The following NDUFS1 variants were observed in gnomAD, a reference collection of about 807,000 sequenced individuals.
NDUFS1 encodes the protein NADH-ubiquinone oxidoreductase 75 kDa subunit, mitochondrial.
NDUFS1 carries 61 observed loss-of-function variants against 84.4 expected under a neutral mutation model. That is an observed-to-expected ratio of 0.72 (90% CI 0.59 to 0.89). The LOEUF (loss-of-function observed/expected upper bound fraction) is 0.89, where lower values mean the gene tolerates loss of function less well. NDUFS1 is among the 40% of genes least tolerant of loss of function. The pLI is 0.00. For missense variants in NDUFS1, 891 were observed against 890.0 expected (o/e 1.00, Z -0.01); for synonymous variants, 275 against 290.0 (o/e 0.95, Z 0.53).
chr2:206,131,876 T>C (rs953057436), intron 14 of NDUFS1, among the ~76,000 whole-genome samples: 13 of 151,484 alleles, frequency 8.6e-5, no homozygotes, highest in African/African-American at 1.5e-4. Context: ...GGGATGGAGG[T>C]TGCAGTGAGC....
At position 206,142,717 on chromosome 2, in the gene NDUFS1, T is replaced by C. The variant is rs751913174; in HGVS notation, c.1102A>G (p.Thr368Ala). 1 of 1,614,174 alleles carries C rather than the reference T, an allele frequency of 6.2e-7. No homozygotes were observed. The highest frequency in any genetic ancestry group is 8.5e-7 in the Non-Finnish European group (1 of 1,180,020). Residue 368 changes from threonine to alanine, a missense_variant, in exon 11 of 19, where the codon ACT becomes GCT. By Grantham distance (58) the Thr-to-Ala change is moderately conservative. Coordinates refer to ENST00000233190, the MANE Select transcript of NDUFS1 (RefSeq NM_005006.7). ...LNRVDSDTLC[T>A]EEVFPTAGAG... ...CCTGCAGTGGGGAAGACCTCTTCAG[T>C]GCATAAGGTGTCAGAGTCCACTCTA...
At position 206,116,390 on chromosome 2, in the gene NDUFS1, G is replaced by A. The variant is rs531806798; in HGVS notation, c.*7795C>T. ...TTCAGGCAGATTACAGTAACCAGAC[G>A]GCGCCCATCCCAAGCTGCCAGGGCC... On this transcript the variant is annotated 3_prime_UTR_variant, in exon 19 of 19. Coordinates refer to ENST00000233190, the MANE Select transcript of NDUFS1 (RefSeq NM_005006.7). 42 of 802,116 alleles carry A rather than the reference G, an allele frequency of 5.2e-5. No homozygotes were observed. The African/African-American group carries it at 5.4e-4, about 10-fold the overall frequency. 49.7% of individuals were successfully genotyped at this position (802,116 alleles called of 1,614,324 possible). A position where few individuals can be genotyped will look rare whatever the true frequency, so the allele number is the denominator to read the frequency against.
At position 206,123,936 on chromosome 2, in the gene NDUFS1, A is replaced by C. The variant is rs1691182175; in HGVS notation, c.*249T>G. The C allele has an allele frequency of 2.4e-6, 1 of 412,990 alleles. No homozygotes were observed. The highest frequency in any genetic ancestry group is 4.3e-6 in the Non-Finnish European group (1 of 232,620). The allele number at this position is 412,990 out of a possible 1,614,324, so 25.6% of individuals were successfully genotyped here. ...ATTTAAGGATCTCTTTATGTTCGTC[A>C]CAAAGGTTATCAATGCTTTTAAGAG... On this transcript the variant is annotated 3_prime_UTR_variant, in exon 19 of 19. Coordinates refer to ENST00000233190, the MANE Select transcript of NDUFS1 (RefSeq NM_005006.7).
intron 2 of NDUFS1, 100 bp from the exon 3 acceptor site, chr2:206,152,610 T>C (rs1189090342): frequency 3.2e-6 from 3 of 926,698 alleles, no homozygotes; most frequent in Non-Finnish European, 5.3e-6. Flanking sequence ...AAATTTTTCA[T>C]TCCTTATTAT....
At chr2:206,141,066 A>G (rs1366107738) in intron 12 of NDUFS1, among the ~76,000 whole-genome samples, 2 of 152,032 alleles carry the variant, frequency 1.3e-5, no homozygotes, top group Non-Finnish European at 2.9e-5. Flanking sequence ...TTCAAAATAA[A>G]AAGCTAATAA....
intron 13 of NDUFS1, among the ~76,000 whole-genome samples, chr2:206,133,458 G>A (rs1207051417): frequency 6.6e-6 from 1 of 152,182 alleles, no homozygotes; most frequent in East Asian, 1.9e-4. Flanking sequence ...TTAAAGAATA[G>A]GAAAAACTAT....
At chr2:206,147,150 C>T in intron 7 of NDUFS1, 62 bp from the exon 8 acceptor site, 4 of 1,499,484 alleles carry the variant, frequency 2.7e-6, no homozygotes, top group African/African-American at 1.4e-5. Flanking sequence ...CTTTCTTATT[C>T]ATGATCACAA....
chr2:206,135,354 A>G (rs1199951337), intron 13 of NDUFS1, among the ~76,000 whole-genome samples: 1 of 152,156 alleles, frequency 6.6e-6, no homozygotes, highest in Non-Finnish European at 1.5e-5. Context: ...GAATTAATGA[A>G]AAATGTATTT....
At position 206,124,061 on chromosome 2, in the gene NDUFS1, C is replaced by A; in HGVS notation, c.*124G>T. On this transcript the variant is annotated 3_prime_UTR_variant, in exon 19 of 19. Transcript: ENST00000233190. ...CATTTTCAAATAGGCATAGTATAAC[C>A]TTAAATATTACATGATTCAAATTAT... is the stretch of plus-strand genomic sequence containing the variant. 1.4e-6 allele frequency: 1 copy of A among 728,848 alleles called. No individual in the cohort carries two copies. Among genetic ancestry groups the A allele is most frequent in the South Asian group, 1.7e-5 (1 of 59,174 alleles). The allele number at this position is 728,848 out of a possible 1,614,324, so 45.1% of individuals were successfully genotyped here.
chr2:206,142,970 GC>G, intron 10 of NDUFS1, 139 bp from the exon 11 acceptor site: 2 of 1,220,662 alleles, frequency 1.6e-6, no homozygotes, highest in Non-Finnish European at 2.3e-6. Context: ...TTTACAACAT[GC>G]CCAGGCACAC....
In NDUFS1 at chr2:206,132,940, C is replaced by T; in HGVS notation, c.1553+5G>A. On this transcript the variant is annotated splice_donor_5th_base_variant and intron_variant, in intron 14 of 18. Transcript: ENST00000233190. The stretch of plus-strand genomic sequence containing the variant: ...TATAGTATATAAAGCAATTACTCAA[C>T]AAACCTATGAAGGATATTCATAACT... 1 of 1,611,974 alleles carries T rather than the reference C, an allele frequency of 6.2e-7. No homozygotes were observed. The highest frequency in any genetic ancestry group is 8.5e-7 in the Non-Finnish European group (1 of 1,178,190).
At chr2:206,142,220 ATTTTT>A in intron 11 of NDUFS1, 151 bp from the exon 12 acceptor site, 1 of 730,542 alleles carries the variant, frequency 1.4e-6, no homozygotes, top group Non-Finnish European at 2.3e-6. Context: ...TCAGATACTT[ATTTTT>A]TTTCTCAGAT....
chr2:206,131,379 T>G, intron 14 of NDUFS1, among the ~76,000 whole-genome samples: 1 of 152,212 alleles, frequency 6.6e-6, no homozygotes, highest in East Asian at 1.9e-4. Flanking sequence ...ATTAACATTT[T>G]TATTTACAAA....
rs1397752647 is a variant in NDUFS1, at chr2:206,119,435, A to T, written c.*4750T>A. The T allele has an allele frequency of 6.6e-6, 1 of 152,156 alleles. No homozygotes were observed. Among genetic ancestry groups the T allele is most frequent in the Non-Finnish European group, 1.5e-5 (1 of 68,032 alleles). 9.4% of individuals were successfully genotyped at this position (152,156 alleles called of 1,614,324 possible). ...TTAATTTTTACTTTTTTTCAGACAGAGTCTCACTCTGTCACCCAGGCTGGA... is the reference window on the plus strand; with the variant it reads ...TTAATTTTTACTTTTTTTCAGACAGTGTCTCACTCTGTCACCCAGGCTGGA... On this transcript the variant is annotated 3_prime_UTR_variant, in exon 19 of 19. Coordinates refer to ENST00000233190, the MANE Select transcript of NDUFS1 (RefSeq NM_005006.7).
chr2:206,129,557 C>T lies in NDUFS1; in HGVS notation c.1708+531G>A, dbSNP rs190048758. Among the ~76,000 whole-genome samples, 5 of 151,920 alleles carry T rather than the reference C, an allele frequency of 3.3e-5. No homozygotes were observed. In the East Asian group the frequency reaches 9.7e-4, roughly 29 times the overall value. On this transcript the variant is annotated intron_variant, in intron 15 of 18. Coordinates refer to ENST00000233190, the MANE Select transcript of NDUFS1 (RefSeq NM_005006.7). ...GGATTACAGCATGAGCCACGGCACC[C>T]AAGGAACAGGATTTAGTTCATATAT...
chr2:206,140,922 GTATATATATATA>G lies in NDUFS1; in HGVS notation c.1262+1007_1262+1018del, dbSNP rs142969226. The stretch of plus-strand genomic sequence containing the variant: ...TCACACACACATATATATGTAGTGT[GTATATATATATA>G]TATATATATACACACACACTGAGAA... On this transcript the variant is annotated intron_variant, in intron 12 of 18. Transcript: ENST00000233190. Among the ~76,000 whole-genome samples, 4 of 128,006 alleles carry G rather than the reference GTATATATATATA, an allele frequency of 3.1e-5. No homozygotes were observed. The East Asian group carries it at 8.3e-4, about 26-fold the overall frequency. The allele number at this position is 128,006 out of a possible 152,430, so 84.0% of individuals were successfully genotyped here.
Position 206,115,670 on chromosome 2 carries a change from A to G in NDUFS1, c.*8515T>C, listed in dbSNP as rs1444794145. 7.8e-6 allele frequency: 3 copies of G among 383,452 alleles called. No individual in the cohort carries two copies. Among genetic ancestry groups the G allele is most frequent in the Non-Finnish European group, 1.5e-5 (3 of 201,750 alleles). 23.8% of individuals were successfully genotyped at this position (383,452 alleles called of 1,614,324 possible). A position where few individuals can be genotyped will look rare whatever the true frequency, so the allele number is the denominator to read the frequency against. On this transcript the variant is annotated 3_prime_UTR_variant, in exon 19 of 19. Transcript: ENST00000233190. ...CAAAATTAAGATAGTGTTGTTCTTC[A>G]TCTGACACTGTACAAGCAACAAAAA...
chr2:206,142,647 A>G, intron 11 of NDUFS1, 39 bp downstream of exon 11: 1 of 1,612,516 alleles, frequency 6.2e-7, no homozygotes, highest in Non-Finnish European at 8.5e-7. Context: ...TAACTAAAAA[A>G]AGAAAGGAAA....
chr2:206,150,639 T>C (rs1224008700), intron 3 of NDUFS1, among the ~76,000 whole-genome samples: 1 of 152,226 alleles, frequency 6.6e-6, no homozygotes, highest in Admixed American at 6.5e-5. Context: ...AGACAGATAG[T>C]GTCCCAGCCT....
Sources: gnomAD v4.1 joint callset for allele counts (sites outside exome capture counted in the v4.1 genomes callset) on GRCh38, gnomAD v4.1.1 for gene constraint, MANE v1.5 for transcripts, NCBI Gene and HGNC (gene_info 2026-07-23, HGNC 2026-07-21) for gene names.